Variants in TAFA5 observed in about 807,000 individuals in gnomAD.
TAFA5 encodes TAFA chemokine like family member 5.
Under a neutral mutation model 15.3 loss-of-function variants are expected in TAFA5, and 6 were observed. The observed-to-expected ratio is 0.39, with a 90% confidence interval of 0.21 to 0.77. TAFA5 has a LOEUF of 0.77. Among genes scored for constraint, TAFA5 ranks in the 30% least tolerant of loss-of-function variants. The pLI, the probability that TAFA5 is intolerant of heterozygous loss-of-function variation, is 0.41. For missense variants in TAFA5, 161 were observed against 193.1 expected (o/e 0.83, Z 0.98); for synonymous variants, 103 against 80.7 (o/e 1.28, Z -1.48).
At chr22:48,495,777 G>A (rs1284332016) in intron 1 of TAFA5, among the ~76,000 whole-genome samples, 1 of 152,170 alleles carries the variant, frequency 6.6e-6, no homozygotes, top group African/African-American at 2.4e-5. Flanking sequence ...TCCCTTGGAA[G>A]AACCTGGCTG....
chr22:48,671,692 C>T (rs1927809022), intron 2 of TAFA5, among the ~76,000 whole-genome samples: 2 of 152,174 alleles, frequency 1.3e-5, no homozygotes, highest in South Asian at 4.1e-4. Flanking sequence ...ATGAGACCTT[C>T]AGGGCACCTC....
At chr22:48,614,762 G>GAGCTTCGTTCAC (rs1925535051) in intron 1 of TAFA5, among the ~76,000 whole-genome samples, 1 of 152,220 alleles carries the variant, frequency 6.6e-6, no homozygotes. Context: ...TGTTGACCGA[G>GAGCTTCGTTCAC]AGCTTCGTTC....
At chr22:48,636,005 C>T (rs1249061177) in intron 1 of TAFA5, among the ~76,000 whole-genome samples, 1 of 152,272 alleles carries the variant, frequency 6.6e-6, no homozygotes, top group Non-Finnish European at 1.5e-5. Context: ...GCCACCCACA[C>T]ACTTCCTGTG....
At chr22:48,719,669 C>G (rs779339776) in intron 3 of TAFA5, among the ~76,000 whole-genome samples, 1 of 152,148 alleles carries the variant, frequency 6.6e-6, no homozygotes, top group African/African-American at 2.4e-5. Flanking sequence ...CAGAAGTGGC[C>G]GGGGACCCGC....
At position 48,502,770 on chromosome 22, in the gene TAFA5, C is replaced by A. The variant is rs193185871; in HGVS notation, c.112+13066C>A. On this transcript the variant is annotated intron_variant, in intron 1 of 3. Transcript: ENST00000402357. Reference sequence around the variant, plus strand: ...CTCCTGACCTCAGGTGATCCGCCCCCCTCGGTCTCCCAAAATGCTGAGATT... The same window carrying A: ...CTCCTGACCTCAGGTGATCCGCCCCACTCGGTCTCCCAAAATGCTGAGATT... Among the ~76,000 whole-genome samples, 19 of 152,312 alleles carry A rather than the reference C, an allele frequency of 1.2e-4. 1 individual carries two copies. Among genetic ancestry groups the A allele is most frequent in the Admixed American group, 7.8e-4 (12 of 15,294 alleles).
At chr22:48,537,161 C>T (rs147098651) in intron 1 of TAFA5, among the ~76,000 whole-genome samples, 14 of 136,204 alleles carry the variant, frequency 1.0e-4, no homozygotes, top group East Asian at 7.5e-4. Flanking sequence ...CCCGATGGAA[C>T]GGATTGTTCT....
At chr22:48,534,698 C>T (rs979599896) in intron 1 of TAFA5, among the ~76,000 whole-genome samples, 4 of 152,176 alleles carry the variant, frequency 2.6e-5, no homozygotes, top group Admixed American at 1.3e-4. Context: ...AGAGGCTGCG[C>T]CCCCTCCACT....
intron 1 of TAFA5, among the ~76,000 whole-genome samples, chr22:48,542,714 TAGTG>T (rs746002172): frequency 2.3e-5 from 3 of 130,736 alleles, no homozygotes; most frequent in Non-Finnish European, 3.2e-5. Flanking sequence ...ATGTGTGTAT[TAGTG>T]TGTGTGTGGT....
chr22:48,542,831 GTGTA>G (rs1364420673), intron 1 of TAFA5, among the ~76,000 whole-genome samples: 1 of 149,762 alleles, frequency 6.7e-6, no homozygotes, highest in East Asian at 2.0e-4. Context: ...TGTGTGTGGT[GTGTA>G]TGTGTGTGTG....
At chr22:48,559,693 G>A (rs928254474) in intron 1 of TAFA5, among the ~76,000 whole-genome samples, 2 of 152,268 alleles carry the variant, frequency 1.3e-5, no homozygotes, top group Admixed American at 1.3e-4. Flanking sequence ...CCTTGAGGAG[G>A]AGGAAGGAAG....
At chr22:48,648,238 A>C (rs2147203606) in intron 2 of TAFA5, among the ~76,000 whole-genome samples, 1 of 152,216 alleles carries the variant, frequency 6.6e-6, no homozygotes, top group South Asian at 2.1e-4. Flanking sequence ...CATGGATGGC[A>C]GGCCCCTGCC....
At chr22:48,649,460 G>A (rs1279722083) in intron 2 of TAFA5, among the ~76,000 whole-genome samples, 1 of 152,172 alleles carries the variant, frequency 6.6e-6, no homozygotes, top group Non-Finnish European at 1.5e-5. Flanking sequence ...AGGACCTGGG[G>A]CAGGGAGGAG....
chr22:48,542,137 A>G (rs201145022), intron 1 of TAFA5, among the ~76,000 whole-genome samples: 1,199 of 86,144 alleles, frequency 0.014, 19 homozygotes, highest in African/African-American at 0.062. Context: ...TGTGATGTGT[A>G]TGTGTGTGTG....
chr22:48,687,005 A>T (rs539060308), intron 2 of TAFA5, among the ~76,000 whole-genome samples: 35 of 146,464 alleles, frequency 2.4e-4, no homozygotes, highest in African/African-American at 9.0e-4. Context: ...GGATGGTTGG[A>T]TGGTGGACAA....
chr22:48,697,519 A>G (rs1043419526), intron 2 of TAFA5, among the ~76,000 whole-genome samples: 1 of 151,924 alleles, frequency 6.6e-6, no homozygotes, highest in Non-Finnish European at 1.5e-5. Flanking sequence ...AATGACATTG[A>G]TGGTGATGGT....
At chr22:48,660,987 C>T (rs544287203) in intron 2 of TAFA5, among the ~76,000 whole-genome samples, 1 of 152,288 alleles carries the variant, frequency 6.6e-6, no homozygotes, top group Admixed American at 6.5e-5. Flanking sequence ...CAGGAGCAGG[C>T]ACAGTGAATA....
At chr22:48,533,645 GAGA>G (rs1922048035) in intron 1 of TAFA5, among the ~76,000 whole-genome samples, 4 of 152,222 alleles carry the variant, frequency 2.6e-5, no homozygotes, top group African/African-American at 9.6e-5. Flanking sequence ...AAGGGAATGG[GAGA>G]AGGACACCCT....
intron 1 of TAFA5, among the ~76,000 whole-genome samples, chr22:48,515,593 C>T (rs902827542): frequency 6.6e-6 from 1 of 152,184 alleles, no homozygotes; most frequent in Non-Finnish European, 1.5e-5. Context: ...CCTCAGGGAC[C>T]TCTCTTTTCA....
intron 3 of TAFA5, among the ~76,000 whole-genome samples, chr22:48,718,166 C>A (rs1033190812): frequency 1.3e-5 from 2 of 152,180 alleles, no homozygotes; most frequent in Non-Finnish European, 2.9e-5. Flanking sequence ...CAGGCGAGAG[C>A]CGAGGTGGTA....
Sources: allele counts gnomAD v4.1 joint callset (sites outside exome capture counted in the v4.1 genomes callset), GRCh38; gene constraint gnomAD v4.1.1; transcripts MANE v1.5; gene names NCBI Gene and HGNC (gene_info 2026-07-23, HGNC 2026-07-21).